Variants in RGSL1 observed in about 807,000 individuals in gnomAD.
The protein encoded by RGSL1 is regulator of G protein signaling protein-like.
RGSL1 carries 97 observed loss-of-function variants against 124.7 expected under a neutral mutation model. That is an observed-to-expected ratio of 0.78 (90% confidence interval 0.66 to 0.92). The LOEUF (loss-of-function observed/expected upper bound fraction) is 0.92, where lower values mean the gene tolerates loss of function less well. RGSL1 is among the 40% of genes least tolerant of loss of function. The pLI is 0.00. For missense variants in RGSL1, 1,233 were observed against 1,288.4 expected, an observed-to-expected ratio of 0.96 and a Z score of 0.66; for synonymous variants, 424 against 438.1, an observed-to-expected ratio of 0.97 and a Z score of 0.40.
At chr1:182,462,041 C>T (rs1403861318) in intron 4 of RGSL1, among the ~76,000 whole-genome samples, 1 of 151,354 alleles carries the variant, frequency 6.6e-6, no homozygotes, top group Non-Finnish European at 1.5e-5. Flanking sequence ...AAGATGAACT[C>T]AAAGAGATCC....
intron 21 of RGSL1, 130 bp downstream of exon 21, chr1:182,556,352 G>C (rs1211331208): frequency 2.8e-6 from 1 of 353,682 alleles, no homozygotes; most frequent in East Asian, 4.8e-5. Context: ...GGTTGTTAAA[G>C]AATCCCATGA....
intron 16 of RGSL1, 86 bp from the exon 17 acceptor site, chr1:182,548,614 G>T: frequency 2.0e-6 from 3 of 1,525,640 alleles, no homozygotes; most frequent in South Asian, 1.3e-5. Flanking sequence ...TGGAGAGGGG[G>T]TGGTCATGGG....
At chr1:182,519,671 C>A (rs1377474584) in intron 9 of RGSL1, among the ~76,000 whole-genome samples, 1 of 152,048 alleles carries the variant, frequency 6.6e-6, no homozygotes, top group African/African-American at 2.4e-5. Context: ...CTGCTCCATT[C>A]TATCTATTCT....
chr1:182,508,683 T>G (rs1428673722), intron 9 of RGSL1, among the ~76,000 whole-genome samples: 1 of 148,714 alleles, frequency 6.7e-6, no homozygotes, highest in African/African-American at 2.5e-5. Flanking sequence ...TTTTTTTTTT[T>G]TTTTTTTTTA....
chr1:182,503,631 GT>G (rs1490678652), intron 9 of RGSL1, among the ~76,000 whole-genome samples: 4 of 151,844 alleles, frequency 2.6e-5, no homozygotes, highest in African/African-American at 9.7e-5. Flanking sequence ...GTGAGGGGGA[GT>G]TAAGGATAGT....
chr1:182,488,836 A>T, intron 7 of RGSL1, 144 bp from the exon 8 acceptor site: 1 of 618,030 alleles, frequency 1.6e-6, no homozygotes, highest in Non-Finnish European at 2.8e-6. Context: ...TGGCATGTAA[A>T]GGAGCAATGG....
rs143889310 is a variant in RGSL1, at chr1:182,468,983, A to T, written c.302-3413A>T. On this transcript the variant is annotated intron_variant, in intron 4 of 21. Transcript: ENST00000294854. ...GGATGTCCACGTGCGAAATAATGAA[A>T]TTGGACCCTTACATAACACCCTATA... is the stretch of plus-strand genomic sequence containing the variant. Among the ~76,000 whole-genome samples the T allele has an allele frequency of 5.3e-5, 8 of 152,236 alleles. 1 individual carries two copies. The highest frequency in any genetic ancestry group is 1.9e-4 in the East Asian group (1 of 5,176).
intron 4 of RGSL1, among the ~76,000 whole-genome samples, chr1:182,467,034 A>G (rs1467091709): frequency 6.6e-6 from 1 of 152,192 alleles, no homozygotes; most frequent in Non-Finnish European, 1.5e-5. Context: ...AAAGAGAATA[A>G]AATACCTAGG....
At chr1:182,544,907 A>G (rs1338040619) in intron 15 of RGSL1, among the ~76,000 whole-genome samples, 1 of 152,016 alleles carries the variant, frequency 6.6e-6, no homozygotes, top group Non-Finnish European at 1.5e-5. Flanking sequence ...GGTTTCTTGT[A>G]GGTAGCATGT....
chr1:182,517,447 T>C (rs79667431), intron 9 of RGSL1, among the ~76,000 whole-genome samples: 1 of 3,310 alleles, frequency 3.0e-4, no homozygotes, highest in Non-Finnish European at 1.1e-3. Flanking sequence ...AATTATTATT[T>C]TTTTTTAAAT....
intron 4 of RGSL1, among the ~76,000 whole-genome samples, chr1:182,471,079 G>C (rs1224977298): frequency 1.3e-5 from 2 of 152,130 alleles, no homozygotes; most frequent in East Asian, 1.9e-4. Flanking sequence ...CATGCTTGTG[G>C]GTCCCTCCCA....
intron 18 of RGSL1, among the ~76,000 whole-genome samples, chr1:182,552,611 G>T (rs186000513): frequency 6.6e-6 from 1 of 152,234 alleles, no homozygotes; most frequent in Non-Finnish European, 1.5e-5. Flanking sequence ...TCACATCCCT[G>T]ATCTCATGTC....
intron 9 of RGSL1, among the ~76,000 whole-genome samples, chr1:182,496,303 C>T (rs953699802): frequency 2.0e-5 from 3 of 152,074 alleles, no homozygotes; most frequent in African/African-American, 7.2e-5. Context: ...GAGCTAATAA[C>T]CTCCCACCAG....
Position 182,490,915 on chromosome 1 carries a change from C to CTTT in RGSL1, c.1717+1729_1717+1731dup, listed in dbSNP as rs10676767. ...CAGAGTACCAGAGCTAGAACATTATCTTTTTTTTTTTTTTTTTTGAGATGG... is the reference window on the plus strand; with the variant it reads ...CAGAGTACCAGAGCTAGAACATTATCTTTTTTTTTTTTTTTTTTTTTGAGATGG... On this transcript the variant is annotated intron_variant, in intron 8 of 21. Coordinates refer to ENST00000294854, the MANE Select transcript of RGSL1 (RefSeq NM_001137669.2). Among the ~76,000 whole-genome samples the CTTT allele has an allele frequency of 1.2e-3, 161 of 128,982 alleles. 4 individuals are homozygous for CTTT. The highest frequency in any genetic ancestry group is 6.7e-3 in the East Asian group (29 of 4,346). 84.6% of individuals were successfully genotyped at this position (128,982 alleles called of 152,430 possible).
chr1:182,497,071 C>T (rs923329018), intron 9 of RGSL1, among the ~76,000 whole-genome samples: 1 of 151,884 alleles, frequency 6.6e-6, no homozygotes. Context: ...TAATATTCTG[C>T]AGAGTAGATG....
intron 6 of RGSL1, among the ~76,000 whole-genome samples, chr1:182,477,207 T>C (rs919081307): frequency 3.3e-5 from 5 of 152,178 alleles, no homozygotes; most frequent in African/African-American, 1.2e-4. Context: ...ATGCTTCTAG[T>C]AGCAGGCCTG....
intron 10 of RGSL1, 132 bp downstream of exon 10, chr1:182,522,241 T>C: frequency 1.5e-6 from 1 of 660,874 alleles, no homozygotes; most frequent in Non-Finnish European, 2.7e-6. Flanking sequence ...TACATACAGG[T>C]ACAGACACTC....
chr1:182,553,307 T>G (rs1660676372), intron 18 of RGSL1, 148 bp from the exon 19 acceptor site: 1 of 641,240 alleles, frequency 1.6e-6, no homozygotes, highest in South Asian at 2.1e-5. Context: ...GCATCTCACA[T>G]GCAAAGATTT....
At chr1:182,487,785 G>A (rs1655203924) in intron 6 of RGSL1, among the ~76,000 whole-genome samples, 1 of 152,200 alleles carries the variant, frequency 6.6e-6, no homozygotes, top group Non-Finnish European at 1.5e-5. Context: ...ATGAATGAAT[G>A]AAACTGAGAG....
Sources: allele counts gnomAD v4.1 joint callset (sites outside exome capture counted in the v4.1 genomes callset), GRCh38; gene constraint gnomAD v4.1.1; transcripts MANE v1.5; gene names NCBI Gene and HGNC (gene_info 2026-07-23, HGNC 2026-07-21).